The following SP3 variants were observed in gnomAD, a reference collection of about 807,000 sequenced individuals.
SP3 encodes the protein transcription factor Sp3.
A neutral mutation model predicts 70.3 loss-of-function variants in SP3; 10 were observed. The ratio of observed to expected loss-of-function variants is 0.14; its 90% confidence interval spans 0.09 to 0.24. The LOEUF (loss-of-function observed/expected upper bound fraction) is 0.24. Among genes scored for constraint, SP3 ranks in the 10% least tolerant of loss-of-function variants. The pLI is 1.00. For missense variants in SP3, 825 were observed against 914.6 expected, an observed-to-expected ratio of 0.90 and a Z score of 1.26; for synonymous variants, 402 against 333.5, an observed-to-expected ratio of 1.21 and a Z score of -2.24.
intron 4 of SP3, among the ~76,000 whole-genome samples, chr2:173,933,638 T>TTATATATATATATATATA (rs60102426): frequency 0.014 from 1,205 of 86,266 alleles, 25 homozygotes; most frequent in Non-Finnish European, 0.016. Context: ...TTATAAAACT[T>TTATATATATATATATATA]TATATATATA....
rs373262391 is a variant in SP3 at position 173,955,391 on chromosome 2, T to G, written c.1121A>C (p.Gln374Pro). The stretch of plus-strand genomic sequence containing the variant: ...CTGTGTCTCTTCAGAAACAGGCGAC[T>G]GGATATAATTTCCCTGAAGATCTGA... ...HSSDLQGNYI[Q>P]SPVSEETQAQ... The change falls in exon 4 of 7, where the codon CAG becomes CCG. Residue 374 changes from glutamine to proline, a missense_variant. Gln to Pro is a moderately conservative substitution (Grantham distance 76). This residue lies in a region of SP3 where 678 missense variants were observed against 651.6 expected (regional missense o/e 1.04). Coordinates refer to ENST00000310015, the MANE Select transcript of SP3 (RefSeq NM_003111.5). 1 of 1,614,140 alleles carries G rather than the reference T, an allele frequency of 6.2e-7. No individual in the cohort carries two copies.
intron 4 of SP3, among the ~76,000 whole-genome samples, chr2:173,953,035 C>T (rs991796736): frequency 1.3e-5 from 2 of 152,288 alleles, no homozygotes; most frequent in Admixed American, 6.5e-5. Context: ...GTGAGTTTTA[C>T]GGTATGTGAG....
chr2:173,940,956 A>T (rs1345314720), intron 4 of SP3, among the ~76,000 whole-genome samples: 1 of 151,672 alleles, frequency 6.6e-6, no homozygotes, highest in East Asian at 1.9e-4. Flanking sequence ...CAACCCTTAA[A>T]CCTGTGTCCT....
At position 173,961,979 on chromosome 2, in the gene SP3, T is replaced by C. The variant is rs372185838; in HGVS notation, c.279+1782A>G. ...TTTTTTTAGGCAAAACTATTTTCAT[T>C]TTACTATGATTGGCAAATTATGATG... On this transcript the variant is annotated intron_variant, in intron 3 of 6. Transcript: ENST00000310015. Among the ~76,000 whole-genome samples the C allele has an allele frequency of 2.0e-5, 3 of 151,338 alleles. No homozygotes were observed. In the South Asian group the frequency reaches 6.3e-4, roughly 32 times the overall value.
In SP3 at chr2:173,936,267, C is replaced by CAT. The variant is rs1295846154; in HGVS notation, c.1640-17483_1640-17482insAT. 5.3e-5 allele frequency among the ~76,000 whole-genome samples: 8 copies of CAT among 152,248 alleles called. No individual in the cohort carries two copies. The East Asian group carries it at 1.2e-3, about 22-fold the overall frequency. On this transcript the variant is annotated intron_variant, in intron 4 of 6. Transcript: ENST00000310015. ...CTCTTGACCTCAGGTGATCCACCTG[C>CAT]CTTGGCCTCCTAAAGTGCTGGGATT...
chr2:173,928,899 T>A (rs1478818277), intron 4 of SP3, among the ~76,000 whole-genome samples: 1 of 152,268 alleles, frequency 6.6e-6, no homozygotes. Context: ...CGAACATTTG[T>A]TGACCAAAAT....
intron 4 of SP3, among the ~76,000 whole-genome samples, chr2:173,953,272 G>C (rs1013301923): frequency 6.6e-6 from 1 of 152,212 alleles, no homozygotes; most frequent in Non-Finnish European, 1.5e-5. Flanking sequence ...CACCACCACT[G>C]AAAGTGTCAA....
intron 4 of SP3, among the ~76,000 whole-genome samples, chr2:173,944,153 A>G (rs1690462338): frequency 6.6e-6 from 1 of 152,254 alleles, no homozygotes; most frequent in Admixed American, 6.5e-5. Context: ...TGACTAACCT[A>G]GGTTGCTGGG....
At chr2:173,951,679 G>C (rs1690715673) in intron 4 of SP3, among the ~76,000 whole-genome samples, 1 of 152,170 alleles carries the variant, frequency 6.6e-6, no homozygotes, top group Non-Finnish European at 1.5e-5. Flanking sequence ...TCAGCCAATT[G>C]TGGGTTTTCT....
intron 4 of SP3, among the ~76,000 whole-genome samples, chr2:173,919,796 T>A (rs1689698109): frequency 1.3e-5 from 2 of 151,818 alleles, no homozygotes; most frequent in African/African-American, 4.9e-5. Flanking sequence ...AACTCTTTCA[T>A]CTGTATCTTC....
intron 4 of SP3, among the ~76,000 whole-genome samples, chr2:173,947,984 C>T (rs1409711264): frequency 5.3e-5 from 8 of 152,106 alleles, no homozygotes; most frequent in Admixed American, 4.6e-4. Flanking sequence ...CCTGCATCAT[C>T]GTCTCATCTC....
chr2:173,955,143 G>A lies in SP3; in HGVS notation c.1369C>T (p.Pro457Ser), dbSNP rs1486118750. 1.2e-6 allele frequency: 2 copies of A among 1,614,184 alleles called. No homozygotes were observed. ...TFLIQAQTVT[P>S]SGQVTWQTFQ... ...GTTTGCCAAGTTACCTGTCCAGAAG[G>A]GGTCACTGTCTGTGCCTGAATTAAA... is the stretch of plus-strand genomic sequence containing the variant. The change falls in exon 4 of 7, where the codon CCT becomes TCT. Residue 457 changes from proline to serine, a missense_variant. Transcript: ENST00000310015.
chr2:173,911,218 T>A (rs1689473155), intron 6 of SP3, among the ~76,000 whole-genome samples: 1 of 152,122 alleles, frequency 6.6e-6, no homozygotes, highest in Admixed American at 6.5e-5. Context: ...AACTTCAAGA[T>A]TATATTAAGT....
intron 5 of SP3, chr2:173,914,848 A>T (rs1217794211): frequency 3.3e-5 from 5 of 152,146 alleles, no homozygotes. Context: ...TTTAATTTAG[A>T]TTTTTAAATT....
At chr2:173,926,505 G>C (rs916460842) in intron 4 of SP3, among the ~76,000 whole-genome samples, 2 of 152,024 alleles carry the variant, frequency 1.3e-5, no homozygotes, top group African/African-American at 4.8e-5. Flanking sequence ...GCATCCTGTA[G>C]AACGCACCAG....
At chr2:173,953,605 G>C (rs764154063) in intron 4 of SP3, among the ~76,000 whole-genome samples, 1 of 151,988 alleles carries the variant, frequency 6.6e-6, no homozygotes, top group Non-Finnish European at 1.5e-5. Flanking sequence ...AAATTAGCCG[G>C]ATGTGGTGGT....
intron 6 of SP3, among the ~76,000 whole-genome samples, chr2:173,910,972 A>C (rs1041737701): frequency 1.3e-5 from 2 of 152,238 alleles, no homozygotes; most frequent in Admixed American, 1.3e-4. Context: ...GAGAAGACAA[A>C]AGGCCAACCT....
intron 4 of SP3, among the ~76,000 whole-genome samples, chr2:173,925,048 C>T (rs1472279170): frequency 6.6e-6 from 1 of 152,082 alleles, no homozygotes; most frequent in Non-Finnish European, 1.5e-5. Flanking sequence ...ACACCACACC[C>T]GGCTAATTTC....
intron 6 of SP3, among the ~76,000 whole-genome samples, chr2:173,912,064 C>A (rs72911138): frequency 6.6e-6 from 1 of 152,162 alleles, no homozygotes; most frequent in Non-Finnish European, 1.5e-5. Flanking sequence ...AGCAATCTGC[C>A]TTCCTTGGCC....
Sources: gnomAD v4.1 joint callset for allele counts (sites outside exome capture counted in the v4.1 genomes callset) on GRCh38, gnomAD v4.1.1 for gene constraint, gnomAD v4.1.1 regional missense constraint, MANE v1.5 for transcripts, NCBI Gene and HGNC (gene_info 2026-07-23, HGNC 2026-07-21) for gene names.